The following TTC28 variants were observed in gnomAD, a reference collection of about 807,000 sequenced individuals.
TTC28 encodes the protein tetratricopeptide repeat domain 28.
In TTC28, 61 loss-of-function variants were observed where a neutral mutation model predicts 198.0. The ratio of observed to expected loss-of-function variants is 0.31; its 90% CI spans 0.25 to 0.38. The LOEUF (loss-of-function observed/expected upper bound fraction) is 0.38, where lower values mean the gene tolerates loss of function less well. Ranked by LOEUF, TTC28 falls within the 10% of genes least tolerant of loss-of-function variation. The pLI is 1.00. For synonymous variants in TTC28, 1,171 were observed against 1,297.8 expected, an observed-to-expected ratio of 0.90 and a Z score of 2.10; for missense variants, 2,678 against 3,164.0, an observed-to-expected ratio of 0.85 and a Z score of 3.69.
chr22:28,435,792 T>C (rs1456476885), intron 2 of TTC28, among the ~76,000 whole-genome samples: 1 of 152,236 alleles, frequency 6.6e-6, no homozygotes, highest in Non-Finnish European at 1.5e-5. Context: ...GAAGTAGTTT[T>C]CTATAGATGA....
chr22:28,424,954 T>TA (rs1032479940), intron 2 of TTC28, among the ~76,000 whole-genome samples: 3 of 152,196 alleles, frequency 2.0e-5, no homozygotes, highest in Non-Finnish European at 4.4e-5. Context: ...AGGCAAAAGG[T>TA]AAATAATAAA....
chr22:28,406,336 ATT>A (rs1569308785), intron 2 of TTC28, among the ~76,000 whole-genome samples: 1 of 152,256 alleles, frequency 6.6e-6, no homozygotes, highest in Non-Finnish European at 1.5e-5. Flanking sequence ...GACTAGAATT[ATT>A]TTAATTAGGT....
intron 2 of TTC28, among the ~76,000 whole-genome samples, chr22:28,580,984 T>C (rs956500756): frequency 3.3e-5 from 5 of 152,236 alleles, no homozygotes; most frequent in Non-Finnish European, 7.4e-5. Context: ...AAAATATATT[T>C]ATAAAAAATA....
At chr22:28,210,483 G>A (rs1052322138) in intron 5 of TTC28, among the ~76,000 whole-genome samples, 5 of 152,024 alleles carry the variant, frequency 3.3e-5, no homozygotes, top group South Asian at 2.1e-4. Flanking sequence ...TGAGAACTAC[G>A]TGACACATAC....
intron 2 of TTC28, among the ~76,000 whole-genome samples, chr22:28,544,997 C>G (rs569036431): frequency 6.6e-6 from 1 of 152,248 alleles, no homozygotes; most frequent in African/African-American, 2.4e-5. Context: ...TATGGAGTAG[C>G]CATCCTTTTA....
At chr22:28,188,287 G>A (rs1458094895) in intron 5 of TTC28, among the ~76,000 whole-genome samples, 1 of 152,250 alleles carries the variant, frequency 6.6e-6, no homozygotes, top group East Asian at 1.9e-4. Context: ...ACAAAATTTT[G>A]GAAGATGGAA....
intron 2 of TTC28, among the ~76,000 whole-genome samples, chr22:28,482,032 G>A (rs1490724676): frequency 6.6e-6 from 1 of 152,058 alleles, no homozygotes; most frequent in African/African-American, 2.4e-5. Flanking sequence ...ATCTTATTCT[G>A]CTCTGTCCCT....
intron 2 of TTC28, among the ~76,000 whole-genome samples, chr22:28,311,780 T>C (rs1415979374): frequency 6.6e-6 from 1 of 152,112 alleles, no homozygotes; most frequent in East Asian, 1.9e-4. Context: ...TATATTTTTT[T>C]ACTCATTAAC....
At chr22:28,580,452 G>T (rs2050218764) in intron 2 of TTC28, among the ~76,000 whole-genome samples, 1 of 152,052 alleles carries the variant, frequency 6.6e-6, no homozygotes, top group African/African-American at 2.4e-5. Flanking sequence ...TGCCCAGGCT[G>T]GTCTCAAACT....
intron 2 of TTC28, among the ~76,000 whole-genome samples, chr22:28,328,332 C>G (rs1159510991): frequency 6.6e-6 from 1 of 152,042 alleles, no homozygotes; most frequent in Admixed American, 6.6e-5. Flanking sequence ...GTCCTATCTA[C>G]TCTGGAGGAT....
chr22:28,442,734 G>T (rs560960607), intron 2 of TTC28, among the ~76,000 whole-genome samples: 22 of 152,342 alleles, frequency 1.4e-4, no homozygotes, highest in Admixed American at 1.2e-3. Context: ...CGTCCCTAAG[G>T]GACTGATGCA....
At chr22:28,059,779 C>A (rs1940438045) in intron 12 of TTC28, among the ~76,000 whole-genome samples, 1 of 151,698 alleles carries the variant, frequency 6.6e-6, no homozygotes, top group Non-Finnish European at 1.5e-5. Flanking sequence ...TAAATTGATT[C>A]TTTTATCATT....
chr22:28,211,722 C>T (rs748273086), intron 5 of TTC28, among the ~76,000 whole-genome samples: 8 of 152,032 alleles, frequency 5.3e-5, no homozygotes, highest in Admixed American at 2.6e-4. Flanking sequence ...GACAGATCAA[C>T]GAGACAGAAA....
chr22:28,415,205 A>G (rs2047149298), intron 2 of TTC28, among the ~76,000 whole-genome samples: 1 of 152,202 alleles, frequency 6.6e-6, no homozygotes, highest in Non-Finnish European at 1.5e-5. Context: ...GAGTTTAACA[A>G]AATCCTTAAA....
intron 2 of TTC28, among the ~76,000 whole-genome samples, chr22:28,354,533 G>A (rs1230296884): frequency 6.6e-6 from 1 of 152,072 alleles, no homozygotes; most frequent in East Asian, 1.9e-4. Flanking sequence ...AGGAAGAATG[G>A]GGAGTCAGTA....
chr22:28,168,807 C>T (rs550259725), intron 5 of TTC28, among the ~76,000 whole-genome samples: 8 of 152,094 alleles, frequency 5.3e-5, no homozygotes, highest in South Asian at 2.1e-4. Context: ...GCAACAAAAG[C>T]CAAAATTGAC....
intron 14 of TTC28, chr22:28,007,246 C>A (rs1458895091): frequency 6.6e-6 from 1 of 152,068 alleles, no homozygotes; most frequent in Non-Finnish European, 1.5e-5. Flanking sequence ...GGTAGAGGAA[C>A]CCTTTCTGTG....
At chr22:28,510,533 C>T (rs2048673253) in intron 2 of TTC28, among the ~76,000 whole-genome samples, 1 of 152,102 alleles carries the variant, frequency 6.6e-6, no homozygotes, top group South Asian at 2.1e-4. Context: ...ATAGTAATAG[C>T]CATCTATGAC....
chr22:28,038,519 C>A (rs1601546683), intron 12 of TTC28, among the ~76,000 whole-genome samples: 1 of 152,200 alleles, frequency 6.6e-6, no homozygotes, highest in East Asian at 1.9e-4. Context: ...AAAATTAATT[C>A]AAGATGGATT....
Sources: gnomAD v4.1 joint callset for allele counts (sites outside exome capture counted in the v4.1 genomes callset) on GRCh38, gnomAD v4.1.1 for gene constraint, MANE v1.5 for transcripts, NCBI Gene and HGNC (gene_info 2026-07-23, HGNC 2026-07-21) for gene names.